COL4A5: variants seen among roughly 807,000 people sequenced by gnomAD.
The protein encoded by COL4A5 is collagen alpha-5(IV) chain.
In COL4A5, 26 loss-of-function variants were observed where a neutral mutation model predicts 130.2. That is an observed-to-expected ratio of 0.20 (90% confidence interval 0.15 to 0.28). COL4A5 has a LOEUF of 0.28. COL4A5 is among the 10% of genes least tolerant of loss of function. The probability of loss-of-function intolerance (pLI) is 1.00; values close to 1 mark genes in which losing one functional copy is unlikely to be tolerated. For synonymous variants in COL4A5, 496 were observed against 439.6 expected, an observed-to-expected ratio of 1.13 and a Z score of -1.60; for missense variants, 1,131 against 1,344.3, an observed-to-expected ratio of 0.84 and a Z score of 2.48.
intron 1 of COL4A5, among the ~76,000 whole-genome samples, chrX:108,510,924 A>G (rs1467277302): frequency 9.0e-6 from 1 of 111,561 alleles, no homozygotes; most frequent in Admixed American, 9.6e-5. Flanking sequence ...ATGTGTAGTG[A>G]TCAGATTTGG....
At chrX:108,531,667 C>A (rs1477678836) in intron 1 of COL4A5, among the ~76,000 whole-genome samples, 1 of 110,596 alleles carries the variant, frequency 9.0e-6, no homozygotes, top group East Asian at 2.8e-4. Context: ...TGTAAAACTG[C>A]TTCTTTGAAA....
At position 108,616,170 on chromosome X, in the gene COL4A5, G is replaced by C. The variant is rs2066922740; in HGVS notation, c.2509+1146G>C. Among the ~76,000 whole-genome samples, 4 of 111,038 alleles carry C rather than the reference G, an allele frequency of 3.6e-5. No homozygotes were observed. In the Admixed American group the frequency reaches 3.8e-4, roughly 11 times the overall value. ...AACATTCTGTCCAACTAACAAAGCA[G>C]AGGGATCTTCAGGAAAAAGCACTTA... On this transcript the variant is annotated intron_variant, in intron 30 of 52. Transcript: ENST00000328300.
chrX:108,516,091 C>CT (rs1234959114), intron 1 of COL4A5, among the ~76,000 whole-genome samples: 2 of 111,863 alleles, frequency 1.8e-5, no homozygotes, highest in Non-Finnish European at 3.8e-5. Context: ...GTTCCAGATG[C>CT]TTTGATGATC....
At chrX:108,636,522 G>T (rs1603301704) in intron 36 of COL4A5, among the ~76,000 whole-genome samples, 2 of 110,583 alleles carry the variant, frequency 1.8e-5, no homozygotes, top group Admixed American at 9.8e-5. Context: ...CTCACGAGAT[G>T]AAAGAAAATA....
intron 2 of COL4A5, among the ~76,000 whole-genome samples, chrX:108,546,710 A>G (rs1325715335): frequency 9.0e-6 from 1 of 111,655 alleles, no homozygotes; most frequent in Non-Finnish European, 1.9e-5. Flanking sequence ...GTGTTTTCCA[A>G]CTTGGTTCCA....
rs192547428 is a variant in COL4A5, at chrX:108,512,532, A to T, written c.82-27214A>T. Among the ~76,000 whole-genome samples the T allele has an allele frequency of 1.0e-3, 111 of 110,540 alleles. 4 individuals are homozygous for T. The East Asian group carries it at 0.03, about 30-fold the overall frequency. ...TACCAATGAAGATTTATTTTTTTTT[A>T]ATTTTTTTTATTTTTTGAAGTTTTA... On this transcript the variant is annotated intron_variant, in intron 1 of 52. Coordinates refer to ENST00000328300, the MANE Select transcript of COL4A5 (RefSeq NM_033380.3).
intron 18 of COL4A5, among the ~76,000 whole-genome samples, chrX:108,585,796 G>C (rs1027214181): frequency 1.3e-4 from 14 of 111,360 alleles, no homozygotes; most frequent in Non-Finnish European, 2.1e-4. Flanking sequence ...AGTTAGTTGG[G>C]TTTAATCAAT....
At chrX:108,508,745 A>G (rs2065152177) in intron 1 of COL4A5, among the ~76,000 whole-genome samples, 1 of 110,738 alleles carries the variant, frequency 9.0e-6, no homozygotes, top group African/African-American at 3.3e-5. Flanking sequence ...ATAATAGCCC[A>G]TAAATAAGGC....
At position 108,500,203 on chromosome X, in the gene COL4A5, G is replaced by A. The variant is rs971799699; in HGVS notation, c.82-39543G>A. Reference sequence around the variant, plus strand: ...GGTAGGGAAATTACCAAAATACTGCGTGGTAATTAAAATTATAGCAATGTT... The same window carrying A: ...GGTAGGGAAATTACCAAAATACTGCATGGTAATTAAAATTATAGCAATGTT... On this transcript the variant is annotated intron_variant, in intron 1 of 52. Transcript: ENST00000328300. Among the ~76,000 whole-genome samples, 7 of 111,942 alleles carry A rather than the reference G, an allele frequency of 6.3e-5. No homozygotes were observed. The South Asian group carries it at 1.1e-3, about 18-fold the overall frequency.
At chrX:108,559,792 A>G (rs932467900) in intron 3 of COL4A5, among the ~76,000 whole-genome samples, 2 of 112,151 alleles carry the variant, frequency 1.8e-5, no homozygotes, top group African/African-American at 6.5e-5. Context: ...GAAGGTCTCC[A>G]CCAAAAGAGG....
At chrX:108,573,416 T>C (rs755078331) in intron 8 of COL4A5, among the ~76,000 whole-genome samples, 158 bp from the exon 9 acceptor site, 1 of 112,052 alleles carries the variant, frequency 8.9e-6, no homozygotes, top group African/African-American at 3.2e-5. Context: ...CTTCCTCATT[T>C]TCCTTTAAAA....
intron 36 of COL4A5, among the ~76,000 whole-genome samples, chrX:108,635,052 C>G (rs947813932): frequency 9.0e-6 from 1 of 111,308 alleles, no homozygotes; most frequent in African/African-American, 3.3e-5. Context: ...ATGGATGTCA[C>G]TGTTTATGAA....
chrX:108,689,728 AT>A lies in COL4A5; in HGVS notation c.4528+2036del, dbSNP rs746204262. ...ATCGAATAAATGCAGTCTGTGTTGA[AT>A]TAGTGGAAGGATTATAGGATGTAAG... On this transcript the variant is annotated intron_variant, in intron 49 of 52. Transcript: ENST00000328300. The A allele has an allele frequency of 4.4e-4, 332 of 752,625 alleles. 1 individual carries two copies. The highest frequency in any genetic ancestry group is 4.9e-4 in the Non-Finnish European group (313 of 638,513). The allele number at this position is 752,625 out of a possible 1,213,427, so 62.0% of individuals were successfully genotyped here.
chrX:108,605,880 T>C (rs2066720546), intron 28 of COL4A5, among the ~76,000 whole-genome samples: 1 of 112,151 alleles, frequency 8.9e-6, no homozygotes, highest in Non-Finnish European at 1.9e-5. Context: ...ATCACTGCAA[T>C]TGACTTAGTA....
intron 37 of COL4A5, among the ~76,000 whole-genome samples, chrX:108,658,242 A>C (rs1240224487): frequency 2.7e-5 from 3 of 111,667 alleles, no homozygotes; most frequent in Non-Finnish European, 3.8e-5. Flanking sequence ...CTCTTGATAT[A>C]ATGAATTACA....
intron 40 of COL4A5, 49 bp from the exon 41 acceptor site, chrX:108,668,270 G>C (rs2068124871): frequency 8.8e-7 from 1 of 1,130,028 alleles, no homozygotes; most frequent in Non-Finnish European, 1.2e-6. Flanking sequence ...TTATAAGCAA[G>C]CTTGTAACTC....
At chrX:108,480,764 G>T (rs1261918414) in intron 1 of COL4A5, among the ~76,000 whole-genome samples, 1 of 112,806 alleles carries the variant, frequency 8.9e-6, no homozygotes, top group Non-Finnish European at 1.9e-5. Context: ...ATAATCCACT[G>T]TCATTCTCCA....
intron 39 of COL4A5, among the ~76,000 whole-genome samples, chrX:108,666,844 G>C (rs1480473041): frequency 9.0e-6 from 1 of 110,504 alleles, no homozygotes; most frequent in Admixed American, 9.6e-5. Context: ...AAGTTACCTA[G>C]CCTTTGCAAA....
chrX:108,584,697 T>C (rs2066306520), intron 18 of COL4A5, among the ~76,000 whole-genome samples, 172 bp downstream of exon 18: 1 of 111,515 alleles, frequency 9.0e-6, no homozygotes, highest in South Asian at 3.7e-4. Flanking sequence ...AATGTTGACC[T>C]CAAGGTCTTT....
Sources: gnomAD v4.1 joint callset for allele counts (sites outside exome capture counted in the v4.1 genomes callset) on GRCh38, gnomAD v4.1.1 for gene constraint, MANE v1.5 for transcripts, NCBI Gene and HGNC (gene_info 2026-07-23, HGNC 2026-07-21) for gene names.